Variants in CPA6 observed in about 807,000 individuals in gnomAD.
CPA6 encodes the protein carboxypeptidase A6, also known as carboxypeptidase B.
CPA6 carries 58 observed loss-of-function variants against 63.3 expected under a neutral mutation model. The ratio of observed to expected loss-of-function variants is 0.92; its 90% confidence interval spans 0.74 to 1.14. The LOEUF (loss-of-function observed/expected upper bound fraction) is 1.14. CPA6 is among the 50% of genes most tolerant of loss of function. CPA6 has a pLI of 0.00. For synonymous variants in CPA6, 185 were observed against 179.0 expected (o/e 1.03, Z -0.27); for missense variants, 565 against 526.6 (o/e 1.07, Z -0.71).
At chr8:67,716,407 A>G (rs1817382534) in intron 1 of CPA6, among the ~76,000 whole-genome samples, 2 of 152,190 alleles carry the variant, frequency 1.3e-5, no homozygotes. Flanking sequence ...AAGGCAGGGA[A>G]GGGGACTTCC....
intron 1 of CPA6, among the ~76,000 whole-genome samples, chr8:67,666,237 C>A (rs1435083679): frequency 6.6e-6 from 1 of 152,204 alleles, no homozygotes; most frequent in Non-Finnish European, 1.5e-5. Flanking sequence ...TACTATTCTT[C>A]CCCGCTGTGG....
intron 8 of CPA6, among the ~76,000 whole-genome samples, chr8:67,474,752 G>T (rs1811137286): frequency 6.6e-6 from 1 of 152,100 alleles, no homozygotes; most frequent in South Asian, 2.1e-4. Flanking sequence ...GAGTTGGAAG[G>T]ATCGTTTAAG....
intron 2 of CPA6, among the ~76,000 whole-genome samples, chr8:67,594,209 G>T (rs1814224039): frequency 6.6e-6 from 1 of 152,084 alleles, no homozygotes; most frequent in Non-Finnish European, 1.5e-5. Context: ...TTGAAGATTG[G>T]CCCCCACTCT....
chr8:67,431,834 T>C (rs78159057), intron 9 of CPA6, among the ~76,000 whole-genome samples: 330 of 152,312 alleles, frequency 2.2e-3, no homozygotes, highest in African/African-American at 7.6e-3. Flanking sequence ...ATTCTCTTTT[T>C]TGGACAGAAT....
chr8:67,662,665 C>G (rs1019190956), intron 1 of CPA6, among the ~76,000 whole-genome samples: 4 of 150,940 alleles, frequency 2.7e-5, no homozygotes, highest in Non-Finnish European at 5.9e-5. Flanking sequence ...AGAATATATA[C>G]ACATATATAT....
intron 1 of CPA6, among the ~76,000 whole-genome samples, chr8:67,698,898 T>C (rs753190558): frequency 2.6e-5 from 4 of 152,172 alleles, no homozygotes; most frequent in Non-Finnish European, 5.9e-5. Context: ...TCTTGTTTCC[T>C]GAATGTGGCT....
chr8:67,509,758 ACTT>A (rs764752148), intron 4 of CPA6, 140 bp from the exon 5 acceptor site: 3 of 480,982 alleles, frequency 6.2e-6, no homozygotes, highest in Non-Finnish European at 3.7e-6. Context: ...CAAAAAACCT[ACTT>A]CTTATTTTTA....
At chr8:67,538,976 T>TG (rs1305091988) in intron 2 of CPA6, among the ~76,000 whole-genome samples, 2 of 152,194 alleles carry the variant, frequency 1.3e-5, no homozygotes, top group Non-Finnish European at 2.9e-5. Flanking sequence ...TGTCTTTTAA[T>TG]GGGGCATTTA....
intron 8 of CPA6, among the ~76,000 whole-genome samples, chr8:67,457,932 A>T (rs952576239): frequency 2.0e-4 from 31 of 152,074 alleles, no homozygotes; most frequent in African/African-American, 7.0e-4. Flanking sequence ...CCTCTCTTGA[A>T]ACCTATTGAA....
intron 1 of CPA6, among the ~76,000 whole-genome samples, chr8:67,730,726 G>GA (rs1747646395): frequency 6.6e-6 from 1 of 152,014 alleles, no homozygotes; most frequent in Non-Finnish European, 1.5e-5. Context: ...CAGAAAATGG[G>GA]ATGAAGACCA....
chr8:67,668,673 T>TA (rs1017153703), intron 1 of CPA6, among the ~76,000 whole-genome samples: 4 of 152,242 alleles, frequency 2.6e-5, no homozygotes, highest in Admixed American at 6.5e-5. Context: ...GTTTTAATGA[T>TA]AAAAAAATCT....
intron 1 of CPA6, among the ~76,000 whole-genome samples, chr8:67,721,833 C>T (rs1817506315): frequency 6.6e-6 from 1 of 152,120 alleles, no homozygotes; most frequent in South Asian, 2.1e-4. Context: ...TTATGTTTAG[C>T]CTAAAGCTGC....
chr8:67,497,284 C>A (rs1354460655), intron 6 of CPA6, among the ~76,000 whole-genome samples: 1 of 152,216 alleles, frequency 6.6e-6, no homozygotes, highest in African/African-American at 2.4e-5. Flanking sequence ...CCCCTTGCAA[C>A]TACTAATGTG....
At chr8:67,682,748 C>T (rs573608700) in intron 1 of CPA6, among the ~76,000 whole-genome samples, 1 of 152,286 alleles carries the variant, frequency 6.6e-6, no homozygotes, top group South Asian at 2.1e-4. Context: ...TGCTTTTGTT[C>T]CATAGAAGGT....
At chr8:67,671,057 G>A (rs1399769547) in intron 1 of CPA6, among the ~76,000 whole-genome samples, 1 of 152,148 alleles carries the variant, frequency 6.6e-6, no homozygotes, top group Non-Finnish European at 1.5e-5. Flanking sequence ...ATTTGGTGAT[G>A]GAAAATAGTA....
chr8:67,514,648 A>G (rs1812106656), intron 3 of CPA6, among the ~76,000 whole-genome samples: 1 of 152,220 alleles, frequency 6.6e-6, no homozygotes, highest in Non-Finnish European at 1.5e-5. Context: ...CTGTGACATA[A>G]AGTGTGATAT....
At chr8:67,632,148 C>A (rs1167328669) in intron 1 of CPA6, among the ~76,000 whole-genome samples, 2 of 147,744 alleles carry the variant, frequency 1.4e-5, no homozygotes, top group East Asian at 4.0e-4. Context: ...AAAAATGATG[C>A]TGTGTGTGTG....
At chr8:67,663,874 A>G (rs1816172419) in intron 1 of CPA6, among the ~76,000 whole-genome samples, 1 of 152,194 alleles carries the variant, frequency 6.6e-6, no homozygotes, top group African/African-American at 2.4e-5. Flanking sequence ...GTTTTGTGCT[A>G]CTAAACAATG....
At chr8:67,716,151 C>CAAAAAAAAAAAAAAAAA (rs56275918) in intron 1 of CPA6, among the ~76,000 whole-genome samples, 3 of 76,546 alleles carry the variant, frequency 3.9e-5, no homozygotes, top group African/African-American at 2.0e-4. Flanking sequence ...GAGCTTGTCT[C>CAAAAAAAAAAAAAAAAA]AAAAAAAAAA....
Sources: allele counts gnomAD v4.1 joint callset (sites outside exome capture counted in the v4.1 genomes callset), GRCh38; gene constraint gnomAD v4.1.1; transcripts MANE v1.5; gene names NCBI Gene and HGNC (gene_info 2026-07-23, HGNC 2026-07-21).